Variants in PRDM16 observed in about 807,000 individuals in gnomAD.
PRDM16 encodes the protein histone-lysine N-methyltransferase PRDM16.
A neutral mutation model predicts 110.6 loss-of-function variants in PRDM16; 23 were observed. That is an observed-to-expected ratio of 0.21 (90% CI 0.15 to 0.29). The LOEUF is 0.29. PRDM16 is among the 10% of genes least tolerant of loss of function. PRDM16 has a pLI of 1.00. For missense variants in PRDM16, 1,615 were observed against 1,794.3 expected, an observed-to-expected ratio of 0.90 and a Z score of 1.81; for synonymous variants, 799 against 781.8, an observed-to-expected ratio of 1.02 and a Z score of -0.37.
chr1:3,244,273 TATCTGTGGACTGACGTGTGCAC>T lies in PRDM16; in HGVS notation c.438+138_438+159del. Reference sequence around the variant, plus strand: ...TGCTGGCAGGCCCCGAGCAATGTGTTATCTGTGGACTGACGTGTGCACAGGACGGTGGCTTTGCTGTCATTAG... The same window carrying T: ...TGCTGGCAGGCCCCGAGCAATGTGTTAGGACGGTGGCTTTGCTGTCATTAG... On this transcript the variant is annotated intron_variant, in intron 3 of 16. Coordinates refer to ENST00000270722, the MANE Select transcript of PRDM16 (RefSeq NM_022114.4). The surrounding 1 kb of genome is among the most constrained non-coding windows in gnomAD (Gnocchi z 4.1). 1.2e-6 allele frequency: 1 copy of T among 800,094 alleles called. No individual in the cohort carries two copies. Among genetic ancestry groups the T allele is most frequent in the Admixed American group, 2.0e-5 (1 of 49,028 alleles). The allele number at this position is 800,094 out of a possible 1,614,324, so 49.6% of individuals were successfully genotyped here.
At chr1:3,393,256 C>T (rs1345923240) in intron 4 of PRDM16, among the ~76,000 whole-genome samples, 2 of 152,254 alleles carry the variant, frequency 1.3e-5, no homozygotes, top group Non-Finnish European at 2.9e-5. Context: ...GCATAGATGC[C>T]TAGATGCTGT....
At position 3,125,722 on chromosome 1, in the gene PRDM16, G is replaced by T. The variant is rs919517113; in HGVS notation, c.37+56426G>T. ...TTTGCTGTCGGTCACGGCAGGTTGG[G>T]CCATTTGTAACGAGTTTGGTCTGCG... On this transcript the variant is annotated intron_variant, in intron 1 of 16. Coordinates refer to ENST00000270722, the MANE Select transcript of PRDM16 (RefSeq NM_022114.4). Among the ~76,000 whole-genome samples the T allele has an allele frequency of 3.2e-4, 48 of 152,252 alleles. 1 individual carries two copies. The highest frequency in any genetic ancestry group is 2.5e-4 in the Non-Finnish European group (17 of 68,042).
chr1:3,135,918 C>T (rs548123302), intron 1 of PRDM16, among the ~76,000 whole-genome samples: 21 of 151,646 alleles, frequency 1.4e-4, no homozygotes, highest in Non-Finnish European at 2.5e-4. Context: ...GGCTGCAGAG[C>T]GGGGCAGGGG....
chr1:3,186,166 G>T lies in PRDM16; in HGVS notation c.79G>T (p.Asp27Tyr). 1.2e-6 allele frequency: 2 copies of T among 1,612,854 alleles called. No homozygotes were observed. Among genetic ancestry groups the T allele is most frequent in the African/African-American group, 2.7e-5 (2 of 75,032 alleles). The part of the protein sequence containing the change: ...VVNNMYEPNR[D>Y]LLASHSAEDE... The stretch of plus-strand genomic sequence containing the variant: ...AAATAATATGTATGAGCCCAACCGG[G>T]ACCTGCTGGCCAGCCACAGCGCGGA... Residue 27 changes from aspartate to tyrosine, a missense_variant, in exon 2 of 17, where the codon GAC (aspartate) becomes TAC (tyrosine). Physicochemically the swap from Asp to Tyr is radical, Grantham distance 160. Coordinates refer to ENST00000270722, the MANE Select transcript of PRDM16 (RefSeq NM_022114.4).
At chr1:3,366,921 G>A (rs539540161) in intron 3 of PRDM16, among the ~76,000 whole-genome samples, 7 of 152,174 alleles carry the variant, frequency 4.6e-5, no homozygotes, top group Non-Finnish European at 8.8e-5. Context: ...GGGGCTGCAC[G>A]TGCGTGTTTT....
chr1:3,206,069 C>T lies in PRDM16; in HGVS notation c.387+19595C>T, dbSNP rs1424700590. The T allele has an allele frequency of 1.3e-5, 2 of 152,370 alleles. No individual in the cohort carries two copies. Among genetic ancestry groups the T allele is most frequent in the East Asian group, 3.9e-4 (2 of 5,174 alleles). 9.4% of individuals were successfully genotyped at this position (152,370 alleles called of 1,614,324 possible). A position where few individuals can be genotyped will look rare whatever the true frequency, so the allele number is the denominator to read the frequency against. On this transcript the variant is annotated intron_variant, in intron 2 of 16. Coordinates refer to ENST00000270722, the MANE Select transcript of PRDM16 (RefSeq NM_022114.4). The surrounding 1 kb of genome is among the most constrained non-coding windows in gnomAD (Gnocchi z 4.9). ...GCTAACAGCCCCCTACCTGCGTTCC[C>T]CATGACCGGTGCTCACAACAGAGGT...
intron 3 of PRDM16, among the ~76,000 whole-genome samples, chr1:3,324,633 C>T (rs1479702583): frequency 6.6e-6 from 1 of 152,104 alleles, no homozygotes; most frequent in Non-Finnish European, 1.5e-5. Flanking sequence ...TGCATGGCCC[C>T]CACCCAAGCA....
At chr1:3,253,363 C>G (rs562793617) in intron 3 of PRDM16, among the ~76,000 whole-genome samples, 1 of 121,818 alleles carries the variant, frequency 8.2e-6, no homozygotes, top group Non-Finnish European at 1.7e-5. Context: ...CCCCCCTCCC[C>G]CCACCCCACA....
chr1:3,168,351 C>T (rs2742662), intron 1 of PRDM16, among the ~76,000 whole-genome samples: 5,081 of 102,518 alleles, frequency 0.05, 583 homozygotes, highest in Non-Finnish European at 0.065. Flanking sequence ...TGCAGCCATC[C>T]TCCTGCCCCA....
chr1:3,111,093 T>C (rs1642781111), intron 1 of PRDM16, among the ~76,000 whole-genome samples: 1 of 151,986 alleles, frequency 6.6e-6, no homozygotes, highest in African/African-American at 2.4e-5. Context: ...GGTGGGAGGC[T>C]CCACGCTGGC....
chr1:3,156,083 AT>A (rs1184290545), intron 1 of PRDM16, among the ~76,000 whole-genome samples: 2 of 152,228 alleles, frequency 1.3e-5, no homozygotes, highest in Non-Finnish European at 2.9e-5. Flanking sequence ...CATCACCGAT[AT>A]TCTTGGGGAA....
intron 1 of PRDM16, among the ~76,000 whole-genome samples, chr1:3,156,905 C>T (rs1220150253): frequency 1.3e-5 from 2 of 152,350 alleles, no homozygotes; most frequent in African/African-American, 2.4e-5. Context: ...AGCTCTGGGG[C>T]GGCCTCCAGC....
rs1240656973 is a variant in PRDM16 at position 3,390,787 on chromosome 1, G to A, written c.573+5501G>A. ...AACACCCATCATCTTGTTCTGCCCC[G>A]ACCCCAGACATGTTCATATTCCCTT... On this transcript the variant is annotated intron_variant, in intron 4 of 16. Coordinates refer to ENST00000270722, the MANE Select transcript of PRDM16 (RefSeq NM_022114.4). This position sits in a 1 kb window ranked among gnomAD's most constrained non-coding sequence, Gnocchi z 5.0. Among the ~76,000 whole-genome samples the A allele has an allele frequency of 1.3e-5, 2 of 151,298 alleles. No homozygotes were observed. The highest frequency in any genetic ancestry group is 2.9e-5 in the Non-Finnish European group (2 of 67,932).
chr1:3,386,869 A>G (rs1273780536), intron 4 of PRDM16: 3 of 152,188 alleles, frequency 2.0e-5, no homozygotes, highest in African/African-American at 7.2e-5. Flanking sequence ...TGAAGGGCCC[A>G]GATTTTTTTT....
chr1:3,362,488 C>A (rs1051421189), intron 3 of PRDM16, among the ~76,000 whole-genome samples: 6 of 151,932 alleles, frequency 3.9e-5, no homozygotes, highest in Admixed American at 1.3e-4. Context: ...CAGGAGGGGC[C>A]AAGACAGCTC....
Position 3,195,266 on chromosome 1 carries a change from C to T in PRDM16, c.387+8792C>T, listed in dbSNP as rs1003414694. On this transcript the variant is annotated intron_variant, in intron 2 of 16. Coordinates refer to ENST00000270722, the MANE Select transcript of PRDM16 (RefSeq NM_022114.4). ...CACAGGCTTCCCATGTCCCCCGGCA[C>T]CGTGACATCAGCCCTAGACGTTTTT... 2.0e-5 allele frequency among the ~76,000 whole-genome samples: 3 copies of T among 152,204 alleles called. No homozygotes were observed. The East Asian group carries it at 5.8e-4, about 29-fold the overall frequency.
At chr1:3,391,405 A>C (rs1643298213) in intron 4 of PRDM16, among the ~76,000 whole-genome samples, 1 of 152,212 alleles carries the variant, frequency 6.6e-6, no homozygotes, top group South Asian at 2.1e-4. Context: ...CTGAACCGCT[A>C]CGCAAACCAC....
At chr1:3,149,391 C>G (rs536240248) in intron 1 of PRDM16, among the ~76,000 whole-genome samples, 1 of 152,174 alleles carries the variant, frequency 6.6e-6, no homozygotes, top group South Asian at 2.1e-4. Flanking sequence ...GAACTGAGCC[C>G]CGGGTGGGGG....
intron 1 of PRDM16, among the ~76,000 whole-genome samples, chr1:3,141,927 A>T (rs1039891529): frequency 6.6e-6 from 1 of 152,118 alleles, no homozygotes; most frequent in Non-Finnish European, 1.5e-5. Flanking sequence ...GGGGATTTTT[A>T]CCTTTTCTGG....
Sources: allele counts gnomAD v4.1 joint callset (sites outside exome capture counted in the v4.1 genomes callset), GRCh38; gene constraint gnomAD v4.1.1; non-coding constraint Gnocchi (gnomAD v3.1); transcripts MANE v1.5; gene names NCBI Gene and HGNC (gene_info 2026-07-23, HGNC 2026-07-21).